The following CDK5RAP2 variants were observed in gnomAD, a reference collection of about 807,000 sequenced individuals.
CDK5RAP2 encodes CDK5 regulatory subunit associated protein 2, also known as CDK5 regulatory subunit-associated protein 2.
CDK5RAP2 carries 147 observed loss-of-function variants against 232.9 expected under a neutral mutation model. The ratio of observed to expected loss-of-function variants is 0.63; its 90% CI spans 0.55 to 0.72. CDK5RAP2 has a LOEUF of 0.72. Ranked by LOEUF, CDK5RAP2 falls within the 30% of genes least tolerant of loss-of-function variation. The probability of loss-of-function intolerance (pLI) is 0.00; values close to 1 mark genes in which losing one functional copy is unlikely to be tolerated. For missense variants in CDK5RAP2, 2,195 were observed against 2,231.5 expected (o/e 0.98, Z 0.33); for synonymous variants, 833 against 833.7 (o/e 1.00, Z 0.01).
chr9:120,465,737 A>C (rs1444636719), intron 18 of CDK5RAP2, among the ~76,000 whole-genome samples: 1 of 152,174 alleles, frequency 6.6e-6, no homozygotes, highest in Non-Finnish European at 1.5e-5. Flanking sequence ...ACACAGAAAA[A>C]GATTTGTGTC....
chr9:120,410,988 G>A (rs906108012), intron 29 of CDK5RAP2, among the ~76,000 whole-genome samples: 1 of 152,210 alleles, frequency 6.6e-6, no homozygotes, highest in South Asian at 2.1e-4. Flanking sequence ...GATTTTGGCA[G>A]TATTATATTT....
rs183517851 is a variant in CDK5RAP2 at position 120,426,956 on chromosome 9, C to G, written c.3956-4215G>C. The stretch of plus-strand genomic sequence containing the variant: ...GAGAGTATAATGAGGCATGTCTGAC[C>G]GCCCCCCACTTTCCCATCATGGTCT... On this transcript the variant is annotated intron_variant, in intron 25 of 37. Transcript: ENST00000349780. Among the ~76,000 whole-genome samples the G allele has an allele frequency of 3.9e-5, 6 of 152,180 alleles. No individual in the cohort carries two copies. The East Asian group carries it at 1.2e-3, about 29-fold the overall frequency.
chr9:120,505,227 A>G (rs1416544312), intron 12 of CDK5RAP2, among the ~76,000 whole-genome samples: 1 of 152,090 alleles, frequency 6.6e-6, no homozygotes, highest in Non-Finnish European at 1.5e-5. Flanking sequence ...AATTCTTGCA[A>G]TATGTCAAAC....
intron 19 of CDK5RAP2, among the ~76,000 whole-genome samples, chr9:120,459,452 TAAGATTTTTAAATGGAAG>T (rs2036963885): frequency 6.6e-6 from 1 of 152,086 alleles, no homozygotes; most frequent in Non-Finnish European, 1.5e-5. Flanking sequence ...GTGAAATGAT[TAAGATTTTTAAATGGAAG>T]ACAAGACCTA....
chr9:120,490,856 T>C (rs2038866823), intron 13 of CDK5RAP2, among the ~76,000 whole-genome samples: 1 of 152,224 alleles, frequency 6.6e-6, no homozygotes, highest in African/African-American at 2.4e-5. Context: ...CTATGTTTAC[T>C]CCATCATGGT....
intron 30 of CDK5RAP2, 62 bp from the exon 31 acceptor site, chr9:120,408,530 A>C: frequency 6.3e-7 from 1 of 1,597,240 alleles, no homozygotes. Context: ...AACTTATTCA[A>C]ACCCCACAGA....
intron 3 of CDK5RAP2, among the ~76,000 whole-genome samples, chr9:120,556,227 A>G (rs765688344): frequency 2.6e-5 from 4 of 152,216 alleles, no homozygotes; most frequent in Non-Finnish European, 5.9e-5. Flanking sequence ...GAGTTCATCC[A>G]ACACCTAAAA....
intron 7 of CDK5RAP2, among the ~76,000 whole-genome samples, chr9:120,533,025 T>C (rs980183256): frequency 6.6e-6 from 1 of 152,104 alleles, no homozygotes; most frequent in Non-Finnish European, 1.5e-5. Flanking sequence ...CGTGCTGTTC[T>C]CTCTGCTAGG....
At chr9:120,398,657 A>T (rs1252750157) in intron 35 of CDK5RAP2, among the ~76,000 whole-genome samples, 1 of 152,226 alleles carries the variant, frequency 6.6e-6, no homozygotes, top group East Asian at 1.9e-4. Flanking sequence ...TCTACCTTCT[A>T]TCTGTTACTC....
intron 32 of CDK5RAP2, among the ~76,000 whole-genome samples, chr9:120,404,383 G>A (rs2033289230): frequency 1.3e-5 from 2 of 152,188 alleles, no homozygotes; most frequent in African/African-American, 4.8e-5. Context: ...GACAAGGGAG[G>A]GAAACACAGG....
At chr9:120,574,982 T>G (rs2042979743) in intron 1 of CDK5RAP2, among the ~76,000 whole-genome samples, 1 of 151,990 alleles carries the variant, frequency 6.6e-6, no homozygotes, top group Non-Finnish European at 1.5e-5. Flanking sequence ...TGGTGGTGGT[T>G]AAGGGCCGAA....
At position 120,477,432 on chromosome 9, in the gene CDK5RAP2, CTGA is replaced by C; in HGVS notation, c.1642_1644del (p.Ser548del). The stretch of plus-strand genomic sequence containing the variant: ...AAGACCTGAATCAGCTCTTCATAGT[CTGA>C]TGATTGTTTCTTTTCCTGGAAATGA... On this transcript the variant is annotated inframe_deletion, in exon 15 of 38. Coordinates refer to ENST00000349780, the MANE Select transcript of CDK5RAP2 (RefSeq NM_018249.6). 6.2e-7 allele frequency: 1 copy of C among 1,613,302 alleles called. No homozygotes were observed.
intron 16 of CDK5RAP2, among the ~76,000 whole-genome samples, chr9:120,471,499 A>G (rs1397794734): frequency 3.9e-5 from 6 of 152,208 alleles, no homozygotes; most frequent in African/African-American, 1.4e-4. Flanking sequence ...TAGAAGTATC[A>G]AATGATGCAG....
Position 120,478,449 on chromosome 9 carries a change from G to C in CDK5RAP2, c.1627-999C>G, listed in dbSNP as rs181803745. Among the ~76,000 whole-genome samples the C allele has an allele frequency of 3.6e-3, 551 of 152,276 alleles. 7 individuals carry two copies. The highest frequency in any genetic ancestry group is 5.7e-3 in the Non-Finnish European group (390 of 68,018). On this transcript the variant is annotated intron_variant, in intron 14 of 37. Coordinates refer to ENST00000349780, the MANE Select transcript of CDK5RAP2 (RefSeq NM_018249.6). Reference sequence around the variant, plus strand: ...TTACGCAAGATGAATAAATTCCAGAGATGTAATATACAGCATGATGACTAT... The same window carrying C: ...TTACGCAAGATGAATAAATTCCAGACATGTAATATACAGCATGATGACTAT...
At chr9:120,430,295 T>A (rs1286262720) in intron 25 of CDK5RAP2, among the ~76,000 whole-genome samples, 3 of 152,080 alleles carry the variant, frequency 2.0e-5, no homozygotes, top group Admixed American at 6.6e-5. Flanking sequence ...TCTGCACAGC[T>A]AAAGAAACTA....
intron 25 of CDK5RAP2, among the ~76,000 whole-genome samples, chr9:120,426,756 A>G (rs1262841157): frequency 6.6e-6 from 1 of 152,234 alleles, no homozygotes; most frequent in Non-Finnish European, 1.5e-5. Flanking sequence ...TCAAAGAAAT[A>G]TATTTTGGGG....
intron 12 of CDK5RAP2, among the ~76,000 whole-genome samples, chr9:120,497,686 T>C (rs376538963): frequency 1.3e-5 from 2 of 152,162 alleles, no homozygotes; most frequent in African/African-American, 4.8e-5. Context: ...AGCACATCAC[T>C]TCCATGCTAT....
intron 19 of CDK5RAP2, among the ~76,000 whole-genome samples, chr9:120,459,065 G>C (rs750761868): frequency 6.6e-6 from 1 of 152,168 alleles, no homozygotes; most frequent in East Asian, 1.9e-4. Flanking sequence ...CCCATGTTGT[G>C]ATTTGAGTGC....
At chr9:120,427,891 A>G (rs140301106) in intron 25 of CDK5RAP2, among the ~76,000 whole-genome samples, 2,658 of 152,282 alleles carry the variant, frequency 0.017, 81 homozygotes, top group African/African-American at 0.061. Flanking sequence ...AAGAACAGAA[A>G]TTATAACAAA....
Sources: allele counts gnomAD v4.1 joint callset (sites outside exome capture counted in the v4.1 genomes callset), GRCh38; gene constraint gnomAD v4.1.1; transcripts MANE v1.5; gene names NCBI Gene and HGNC (gene_info 2026-07-23, HGNC 2026-07-21).